The following ARHGAP10 variants were observed in gnomAD, a reference collection of about 807,000 sequenced individuals.
ARHGAP10 encodes the protein Rho GTPase activating protein 10, also known as rho GTPase-activating protein 10.
In ARHGAP10, 87 loss-of-function variants were observed where a neutral mutation model predicts 108.6. The observed-to-expected ratio is 0.80, with a 90% CI of 0.67 to 0.96. The LOEUF (loss-of-function observed/expected upper bound fraction) is 0.96, where lower values mean the gene tolerates loss of function less well. ARHGAP10 is among the 40% of genes least tolerant of loss of function. The probability of loss-of-function intolerance (pLI) is 0.00; values close to 1 mark genes in which losing one functional copy is unlikely to be tolerated. For missense variants in ARHGAP10, 939 were observed against 954.5 expected, an observed-to-expected ratio of 0.98 and a Z score of 0.21; for synonymous variants, 347 against 341.1, an observed-to-expected ratio of 1.02 and a Z score of -0.19.
intron 16 of ARHGAP10, among the ~76,000 whole-genome samples, chr4:147,963,881 C>T (rs1249318418): frequency 1.3e-5 from 2 of 152,250 alleles, no homozygotes; most frequent in Non-Finnish European, 2.9e-5. Context: ...GCTGCCTGTA[C>T]ACGGTCACTA....
intron 15 of ARHGAP10, among the ~76,000 whole-genome samples, chr4:147,947,168 T>G (rs569479228): frequency 6.6e-6 from 1 of 151,868 alleles, no homozygotes; most frequent in Non-Finnish European, 1.5e-5. Flanking sequence ...GTTTTCTATT[T>G]ATAATAGAAA....
chr4:147,777,170 CTT>C lies in ARHGAP10; in HGVS notation c.154+44718_154+44719del, dbSNP rs1459316555. Among the ~76,000 whole-genome samples the C allele has an allele frequency of 2.2e-4, 33 of 152,018 alleles. 1 individual carries two copies. Among genetic ancestry groups the C allele is most frequent in the Admixed American group, 2.2e-3 (33 of 15,262 alleles). ...TGCGTTTCAGCTATGTATCTCTGGC[CTT>C]TTACCATTAGGAAATTTGGTTTTCT... is the stretch of plus-strand genomic sequence containing the variant. On this transcript the variant is annotated intron_variant, in intron 1 of 22. Transcript: ENST00000336498.
intron 1 of ARHGAP10, among the ~76,000 whole-genome samples, chr4:147,807,362 A>T (rs1731828926): frequency 6.6e-6 from 1 of 152,228 alleles, no homozygotes; most frequent in South Asian, 2.1e-4. Context: ...ATTAGGTAAT[A>T]AAAAGTATGA....
intron 13 of ARHGAP10, among the ~76,000 whole-genome samples, chr4:147,938,128 G>A (rs1244215374): frequency 1.3e-5 from 2 of 152,212 alleles, no homozygotes; most frequent in African/African-American, 4.8e-5. Flanking sequence ...ACCAAACACT[G>A]CATGTTCTCA....
At chr4:147,766,536 G>A (rs1343306258) in intron 1 of ARHGAP10, among the ~76,000 whole-genome samples, 2 of 150,680 alleles carry the variant, frequency 1.3e-5, no homozygotes, top group East Asian at 2.0e-4. Context: ...ATGGAGGGCT[G>A]TCTGTATAAC....
At chr4:148,023,120 C>T in intron 18 of ARHGAP10, 143 bp from the exon 19 acceptor site, 2 of 786,054 alleles carry the variant, frequency 2.5e-6, no homozygotes, top group African/African-American at 1.7e-5. Context: ...ATGACCTCTT[C>T]CCTTCATTGG....
At chr4:147,993,812 A>G (rs892558254) in intron 18 of ARHGAP10, among the ~76,000 whole-genome samples, 3 of 152,254 alleles carry the variant, frequency 2.0e-5, no homozygotes, top group South Asian at 2.1e-4. Context: ...TATGAAATAC[A>G]AAACTCTTTT....
intron 18 of ARHGAP10, among the ~76,000 whole-genome samples, chr4:148,015,852 A>G (rs1393126981): frequency 2.0e-5 from 3 of 152,166 alleles, no homozygotes; most frequent in African/African-American, 4.8e-5. Flanking sequence ...CCTCCTTTCT[A>G]TGTTAACTTA....
intron 1 of ARHGAP10, among the ~76,000 whole-genome samples, chr4:147,781,681 C>CTTTTTTTTTTTT (rs56781517): frequency 7.7e-5 from 10 of 130,564 alleles, no homozygotes; most frequent in African/African-American, 2.9e-4. Flanking sequence ...CTTTTCTTTT[C>CTTTTTTTTTTTT]TTTTTTTTTT....
intron 16 of ARHGAP10, among the ~76,000 whole-genome samples, chr4:147,958,099 C>A (rs2126987348): frequency 6.6e-6 from 1 of 152,262 alleles, no homozygotes; most frequent in African/African-American, 2.4e-5. Context: ...ATGGGGAATA[C>A]AAAAGATTGT....
chr4:147,968,927 A>G (rs547416826), intron 18 of ARHGAP10, among the ~76,000 whole-genome samples: 97 of 152,342 alleles, frequency 6.4e-4, no homozygotes, highest in African/African-American at 2.1e-3. Flanking sequence ...CTCGGATCCT[A>G]TAAACGTACC....
At chr4:147,869,358 G>A (rs1175791937) in intron 7 of ARHGAP10, among the ~76,000 whole-genome samples, 15 of 152,084 alleles carry the variant, frequency 9.9e-5, no homozygotes, top group East Asian at 5.8e-4. Flanking sequence ...TTGGGGGGGC[G>A]TCTGTTTACC....
At chr4:148,044,142 A>ACT (rs1008591019) in intron 19 of ARHGAP10, among the ~76,000 whole-genome samples, 187 of 152,114 alleles carry the variant, frequency 1.2e-3, no homozygotes, top group African/African-American at 4.3e-3. Flanking sequence ...GGAAGAGAGA[A>ACT]CTCTCTTAAT....
chr4:147,911,574 G>T (rs1047320248), intron 12 of ARHGAP10, among the ~76,000 whole-genome samples: 8 of 152,176 alleles, frequency 5.3e-5, no homozygotes, highest in East Asian at 3.9e-4. Context: ...GTGTTAGCCA[G>T]GATGGTCTTG....
intron 10 of ARHGAP10, among the ~76,000 whole-genome samples, chr4:147,903,929 A>C (rs1736349163): frequency 6.6e-6 from 1 of 152,204 alleles, no homozygotes; most frequent in African/African-American, 2.4e-5. Context: ...ATAAACATCC[A>C]TGTGCAGGTT....
At chr4:147,843,838 A>G (rs1279708455) in intron 3 of ARHGAP10, among the ~76,000 whole-genome samples, 2 of 152,048 alleles carry the variant, frequency 1.3e-5, no homozygotes, top group African/African-American at 2.4e-5. Flanking sequence ...CTTTTATCCA[A>G]CACCTTGGTA....
chr4:148,004,396 A>G lies in ARHGAP10; in HGVS notation c.1717-18867A>G, dbSNP rs560114538. On this transcript the variant is annotated intron_variant, in intron 18 of 22. Coordinates refer to ENST00000336498, the MANE Select transcript of ARHGAP10 (RefSeq NM_024605.4). ...AGAATGAATAGATTTAAATAGTGAT[A>G]GTGATTGTGGCAGACTCACCCTAAG... Among the ~76,000 whole-genome samples the G allele has an allele frequency of 2.6e-5, 4 of 152,340 alleles. No individual in the cohort carries two copies. The East Asian group carries it at 7.7e-4, about 29-fold the overall frequency.
In ARHGAP10 at chr4:147,732,356, C is replaced by T. The variant is rs773396400; in HGVS notation, c.55C>T (p.Arg19Trp). The change falls in exon 1 of 23, where the codon CGG becomes TGG. Residue 19 changes from arginine to tryptophan, a missense_variant. Coordinates refer to ENST00000336498, the MANE Select transcript of ARHGAP10 (RefSeq NM_024605.4). ...CTGCTACCTCGACAGCCCGTGGTTC[C>T]GGGAGAGGATCCGCGCTCACGAAGC... The part of the protein sequence containing the change: ...SDCYLDSPWF[R>W]ERIRAHEAEL... 84 of 1,613,282 alleles carry T rather than the reference C, an allele frequency of 5.2e-5. No individual in the cohort carries two copies. The highest frequency in any genetic ancestry group is 6.5e-5 in the Non-Finnish European group (77 of 1,179,642).
intron 4 of ARHGAP10, among the ~76,000 whole-genome samples, chr4:147,848,866 A>T (rs1220104685): frequency 6.6e-6 from 1 of 152,268 alleles, no homozygotes; most frequent in Non-Finnish European, 1.5e-5. Flanking sequence ...CAACTTGCAC[A>T]ATAAGTAATC....
Sources: allele counts gnomAD v4.1 joint callset (sites outside exome capture counted in the v4.1 genomes callset), GRCh38; gene constraint gnomAD v4.1.1; transcripts MANE v1.5; gene names NCBI Gene and HGNC (gene_info 2026-07-23, HGNC 2026-07-21).